HEXB: variants seen among roughly 807,000 people sequenced by gnomAD.
The protein encoded by HEXB is hexosaminidase subunit beta, also known as beta-hexosaminidase subunit beta.
In HEXB, 51 loss-of-function variants were observed where a neutral mutation model predicts 71.2. The ratio of observed to expected loss-of-function variants is 0.72; its 90% CI spans 0.57 to 0.90. HEXB has a LOEUF of 0.90. HEXB is among the 40% of genes least tolerant of loss of function. The probability of loss-of-function intolerance (pLI) is 0.00; values close to 1 mark genes in which losing one functional copy is unlikely to be tolerated. For synonymous variants in HEXB, 266 were observed against 249.3 expected (o/e 1.07, Z -0.63); for missense variants, 617 against 677.0 (o/e 0.91, Z 0.98).
intron 1 of HEXB, among the ~76,000 whole-genome samples, chr5:74,664,349 C>G (rs1167522343): frequency 2.0e-5 from 3 of 146,730 alleles, no homozygotes. Context: ...GAGGATCACT[C>G]AAGCCCAGGA....
intron 1 of HEXB, among the ~76,000 whole-genome samples, chr5:74,661,777 A>C (rs1748330462): frequency 6.6e-6 from 1 of 152,190 alleles, no homozygotes; most frequent in Admixed American, 6.5e-5. Context: ...ACAAATTGAA[A>C]GATCAATAAC....
At chr5:74,705,426 A>C (rs1418111018) in intron 6 of HEXB, 106 bp downstream of exon 6, 5 of 760,656 alleles carry the variant, frequency 6.6e-6, no homozygotes, top group African/African-American at 5.2e-5. Flanking sequence ...AAGTGTAAAA[A>C]TCAGATGTTT....
At position 74,652,413 on chromosome 5, in the gene HEXB, C is replaced by T. The variant is rs552323343; in HGVS notation, c.-377+11855C>T. 3.0e-4 allele frequency among the ~76,000 whole-genome samples: 45 copies of T among 152,336 alleles called. No homozygotes were observed. In the South Asian group the frequency reaches 6.2e-3, roughly 21 times the overall value. On this transcript the variant is annotated intron_variant, in intron 1 of 13. Coordinates refer to the HEXB transcript ENST00000511181. This position sits in a 1 kb window ranked among gnomAD's most constrained non-coding sequence, Gnocchi z 5.4. ...AAGCCACTCCTGAATACACAGTAGCCGTTTGCCTTCATGTATTTGCTTAAT... is the reference window on the plus strand; with the variant it reads ...AAGCCACTCCTGAATACACAGTAGCTGTTTGCCTTCATGTATTTGCTTAAT...
chr5:74,717,742 T>C (rs958079921), intron 9 of HEXB, among the ~76,000 whole-genome samples: 1 of 152,162 alleles, frequency 6.6e-6, no homozygotes, highest in African/African-American at 2.4e-5. Context: ...CTGCAAGCTG[T>C]AGTTGCCAAC....
intron 1 of HEXB, among the ~76,000 whole-genome samples, chr5:74,648,034 C>G (rs1748033337): frequency 6.6e-6 from 1 of 152,134 alleles, no homozygotes; most frequent in Non-Finnish European, 1.5e-5. Context: ...CCAAGAGAAC[C>G]CATGTTTAGG....
chr5:74,689,761 A>G (rs1446737292), intron 2 of HEXB: 6 of 415,732 alleles, frequency 1.4e-5, no homozygotes, highest in Non-Finnish European at 2.6e-5. Context: ...TAAAACATGT[A>G]AACATTTTAC....
intron 5 of HEXB, among the ~76,000 whole-genome samples, chr5:74,700,001 C>CTTTTTT (rs58177670): frequency 1.2e-4 from 5 of 40,362 alleles, no homozygotes; most frequent in African/African-American, 3.0e-4. Flanking sequence ...TGTAAGTTTC[C>CTTTTTT]TTTTTTTTTT....
upstream of HEXB, chr5:74,685,011 T>G: frequency 2.9e-5 from 14 of 479,442 alleles, no homozygotes; most frequent in East Asian, 3.7e-5. Context: ...AGCCATCCCG[T>G]GTTTGAGGTT....
chr5:74,664,237 C>T (rs1397549175), intron 1 of HEXB, among the ~76,000 whole-genome samples: 4 of 145,930 alleles, frequency 2.7e-5, no homozygotes, highest in Non-Finnish European at 6.0e-5. Flanking sequence ...GCCTGGGCAA[C>T]AAGAGTGAAA....
rs1469333046 is a variant in HEXB at position 74,708,201 on chromosome 5, G to A, written c.771+2881G>A. On this transcript the variant is annotated intron_variant, in intron 6 of 13. Coordinates refer to ENST00000261416, the MANE Select transcript of HEXB (RefSeq NM_000521.4). ...TATCCAGCCAAACTAAGCTTCATAA[G>A]TGAAGGAGAAATAAAATACTTTACA... 3.5e-4 allele frequency among the ~76,000 whole-genome samples: 53 copies of A among 151,430 alleles called. No homozygotes were observed. The East Asian group carries it at 9.5e-3, about 27-fold the overall frequency.
intron 1 of HEXB, among the ~76,000 whole-genome samples, chr5:74,661,963 C>T (rs1748333934): frequency 6.6e-6 from 1 of 152,068 alleles, no homozygotes; most frequent in Non-Finnish European, 1.5e-5. Flanking sequence ...TCATGACAAC[C>T]TTATTTGATC....
At chr5:74,701,905 G>A (rs1284270103) in intron 5 of HEXB, among the ~76,000 whole-genome samples, 1 of 151,810 alleles carries the variant, frequency 6.6e-6, no homozygotes, top group Non-Finnish European at 1.5e-5. Flanking sequence ...TCAAAATCAG[G>A]AAATTGACAC....
intron 5 of HEXB, among the ~76,000 whole-genome samples, chr5:74,702,814 CTTCTATCATTTA>C (rs1749295393): frequency 1.3e-5 from 2 of 152,182 alleles, no homozygotes; most frequent in Non-Finnish European, 2.9e-5. Context: ...TCCATCACTC[CTTCTATCATTTA>C]TTACTTGGCA....
At chr5:74,703,307 A>G (rs1022123810) in intron 5 of HEXB, among the ~76,000 whole-genome samples, 11 of 152,214 alleles carry the variant, frequency 7.2e-5, no homozygotes, top group African/African-American at 2.4e-4. Context: ...GAAGTCCTTC[A>G]AGTTGCCTCT....
At chr5:74,703,389 T>C (rs915616115) in intron 5 of HEXB, among the ~76,000 whole-genome samples, 1 of 152,254 alleles carries the variant, frequency 6.6e-6, no homozygotes, top group Non-Finnish European at 1.5e-5. Context: ...TTCAGGCCTG[T>C]CTTCCCTGTC....
chr5:74,691,279 A>C (rs138575101), intron 2 of HEXB, among the ~76,000 whole-genome samples: 57 of 152,350 alleles, frequency 3.7e-4, no homozygotes, highest in African/African-American at 1.3e-3. Flanking sequence ...CACATGTTAA[A>C]GCACCACTAT....
At chr5:74,699,005 TG>T (rs2112145347) in intron 5 of HEXB, among the ~76,000 whole-genome samples, 1 of 151,770 alleles carries the variant, frequency 6.6e-6, no homozygotes, top group African/African-American at 2.4e-5. Flanking sequence ...ACCACCATGG[TG>T]AAACCCATCT....
intron 1 of HEXB, among the ~76,000 whole-genome samples, chr5:74,679,034 TG>T (rs1404625021): frequency 6.6e-6 from 1 of 152,238 alleles, no homozygotes; most frequent in Non-Finnish European, 1.5e-5. Context: ...TTGCCGTTTT[TG>T]GGGGAAAAAT....
chr5:74,715,431 C>A, intron 7 of HEXB, 79 bp from the exon 8 acceptor site: 1 of 934,664 alleles, frequency 1.1e-6, no homozygotes, highest in Non-Finnish European at 1.7e-6. Flanking sequence ...AATAAAATGA[C>A]GTAGTAAAAT....
Sources: gnomAD v4.1 joint callset for allele counts (sites outside exome capture counted in the v4.1 genomes callset) on GRCh38, gnomAD v4.1.1 for gene constraint, Gnocchi (gnomAD v3.1) non-coding constraint, MANE v1.5 for transcripts, NCBI Gene and HGNC (gene_info 2026-07-23, HGNC 2026-07-21) for gene names.